The following SSR1 variants were observed in gnomAD, a reference collection of about 807,000 sequenced individuals.
The protein encoded by SSR1 is translocon-associated protein subunit alpha.
A neutral mutation model predicts 36.1 loss-of-function variants in SSR1; 13 were observed. The ratio of observed to expected loss-of-function variants is 0.36; its 90% CI spans 0.23 to 0.57. SSR1 has a LOEUF of 0.57. Ranked by LOEUF, SSR1 falls within the 20% of genes least tolerant of loss-of-function variation. The probability of loss-of-function intolerance (pLI) is 0.81; values close to 1 mark genes in which losing one functional copy is unlikely to be tolerated. For synonymous variants in SSR1, 113 were observed against 118.9 expected (o/e 0.95, Z 0.32); for missense variants, 291 against 338.5 (o/e 0.86, Z 1.10).
intron 6 of SSR1, among the ~76,000 whole-genome samples, chr6:7,295,974 A>G (rs920292186): frequency 4.1e-4 from 62 of 152,344 alleles, no homozygotes; most frequent in African/African-American, 1.5e-3. Context: ...TCAAAGAATA[A>G]ATTTATTTCT....
chr6:7,308,304 T>C (rs564067342), intron 2 of SSR1, among the ~76,000 whole-genome samples: 1 of 151,992 alleles, frequency 6.6e-6, no homozygotes, highest in Non-Finnish European at 1.5e-5. Flanking sequence ...ACCAATAAAA[T>C]AGCAACAGAT....
At chr6:7,308,044 T>C (rs985921520) in intron 2 of SSR1, among the ~76,000 whole-genome samples, 3 of 152,210 alleles carry the variant, frequency 2.0e-5, no homozygotes, top group Non-Finnish European at 4.4e-5. Flanking sequence ...AAATATTTAT[T>C]AACAACAATG....
intron 6 of SSR1, 118 bp from the exon 7 acceptor site, chr6:7,295,603 A>G: frequency 1.5e-6 from 1 of 648,646 alleles, no homozygotes; most frequent in Non-Finnish European, 2.5e-6. Flanking sequence ...TCCTGGGCTC[A>G]AGCAATCCTC....
intron 1 of SSR1, among the ~76,000 whole-genome samples, chr6:7,310,634 G>A (rs78567152): frequency 0.013 from 1,910 of 152,276 alleles, 36 homozygotes; most frequent in African/African-American, 0.038. Context: ...ATTCTTGGCC[G>A]GCGCGGTGGC....
rs146075295 is a variant in SSR1 at position 7,309,928 on chromosome 6, G to T, written c.181C>A (p.Pro61Thr). 5 of 1,612,062 alleles carry T rather than the reference G, an allele frequency of 3.1e-6. No individual in the cohort carries two copies. Among genetic ancestry groups the T allele is most frequent in the Non-Finnish European group, 3.4e-6 (4 of 1,178,462 alleles). Residue 61 changes from proline (P) to threonine (T), a missense_variant, in exon 2 of 8, where the codon CCC becomes ACC. Transcript: ENST00000244763. ...DDEAEVEEDEPTDLVEDKEEE... is the reference protein window; with the variant it reads ...DDEAEVEEDETTDLVEDKEEE... ...TATGTAACACTAACCAAATCTGTGG[G>T]TTCATCTTCTTCTACCTCGGCTTCA... is the stretch of plus-strand genomic sequence containing the variant.
rs1178402388 is a variant in SSR1, at chr6:7,287,116, G to C, written c.*2748C>G. ...CAATTTTCCTTCATATCAAGGGTATGGATATCATTGTACAAGATGAATGCT... is the reference window on the plus strand; with the variant it reads ...CAATTTTCCTTCATATCAAGGGTATCGATATCATTGTACAAGATGAATGCT... On this transcript the variant is annotated 3_prime_UTR_variant, in exon 8 of 8. Transcript: ENST00000244763. 4 of 152,074 alleles carry C rather than the reference G, an allele frequency of 2.6e-5. No homozygotes were observed. Among genetic ancestry groups the C allele is most frequent in the Non-Finnish European group, 5.9e-5 (4 of 68,024 alleles). The allele number at this position is 152,074 out of a possible 1,614,324, so 9.4% of individuals were successfully genotyped here. A position where few individuals can be genotyped will look rare whatever the true frequency, so the allele number is the denominator to read the frequency against.
Position 7,313,147 on chromosome 6 carries a change from C to G in SSR1, c.-27G>C, listed in dbSNP as rs1758249683. ...GCGCTGCCGGTCCAGTGTCCAGTTT[C>G]CGTCGGCTAAGGCTCTCGGCGGCTC... On this transcript the variant is annotated 5_prime_UTR_variant, in exon 1 of 8. Coordinates refer to ENST00000244763, the MANE Select transcript of SSR1 (RefSeq NM_003144.5). The G allele has an allele frequency of 1.9e-6, 3 of 1,588,622 alleles. No homozygotes were observed. The highest frequency in any genetic ancestry group is 2.3e-5 in the South Asian group (2 of 88,046).
rs1208770863 is a variant in SSR1 at position 7,284,046 on chromosome 6, TCTC to T, written c.*5815_*5817del. On this transcript the variant is annotated 3_prime_UTR_variant, in exon 8 of 8. Coordinates refer to ENST00000244763, the MANE Select transcript of SSR1 (RefSeq NM_003144.5). ...TACTCTTGACCACAGTATTTCTCAT[TCTC>T]CTTTCTGAAATGCCTCTAGGCCTTA... The T allele has an allele frequency of 4.6e-5, 7 of 152,186 alleles. No homozygotes were observed. The highest frequency in any genetic ancestry group is 1.4e-4 in the African/African-American group (6 of 41,424). The allele number at this position is 152,186 out of a possible 1,614,324, so 9.4% of individuals were successfully genotyped here. A position where few individuals can be genotyped will look rare whatever the true frequency, so the allele number is the denominator to read the frequency against.
chr6:7,294,733 C>G (rs933189341), intron 7 of SSR1, among the ~76,000 whole-genome samples: 1 of 149,774 alleles, frequency 6.7e-6, no homozygotes, highest in African/African-American at 2.5e-5. Context: ...TTAATGAAGT[C>G]AGGAATTGAC....
rs537748481 is a variant in SSR1 at position 7,289,898 on chromosome 6, C to G, written c.827G>C (p.Arg276Pro). Residue 276 changes from arginine to proline, a missense_variant, in exon 8 of 8, where the codon CGG becomes CCG. Coordinates refer to ENST00000244763, the MANE Select transcript of SSR1 (RefSeq NM_003144.5). ...AGATCCCACTGATCTCTTCTGTGCC[C>G]GTTTCCTGGGCAACCTTCTTGGTGA... is the stretch of plus-strand genomic sequence containing the variant. ...KASPRRLPRK[R>P]AQKRSVGSDE 2 of 1,539,404 alleles carry G rather than the reference C, an allele frequency of 1.3e-6. No homozygotes were observed. Among genetic ancestry groups the G allele is most frequent in the African/African-American group, 2.9e-5 (2 of 69,702 alleles).
Position 7,313,035 on chromosome 6 carries a change from G to C in SSR1, c.79+7C>G. On this transcript the variant is annotated splice_region_variant and intron_variant, in intron 1 of 7. Coordinates refer to ENST00000244763, the MANE Select transcript of SSR1 (RefSeq NM_003144.5). ...GCCATCCCCTCCGCACACTCCCCCA[G>C]CCTCACCTCTGGGGCCGCCTCGGAA... 6.3e-7 allele frequency: 1 copy of C among 1,598,760 alleles called. No individual in the cohort carries two copies. The highest frequency in any genetic ancestry group is 1.1e-5 in the South Asian group (1 of 88,540).
chr6:7,294,457 G>A (rs1561830336), intron 7 of SSR1, among the ~76,000 whole-genome samples: 1 of 152,216 alleles, frequency 6.6e-6, no homozygotes, highest in Non-Finnish European at 1.5e-5. Flanking sequence ...GGAGGCCGAG[G>A]CTAGCGGATC....
intron 2 of SSR1, among the ~76,000 whole-genome samples, chr6:7,307,703 T>G (rs1002036395): frequency 6.6e-6 from 1 of 152,184 alleles, no homozygotes; most frequent in Non-Finnish European, 1.5e-5. Flanking sequence ...CAGCTAATTT[T>G]TTTAGTAGAG....
At chr6:7,310,069 T>G in intron 1 of SSR1, 40 bp from the exon 2 acceptor site, 1 of 1,526,048 alleles carries the variant, frequency 6.6e-7, no homozygotes, top group Non-Finnish European at 9.0e-7. Flanking sequence ...CCCTTTACTC[T>G]GAAATACTAA....
At chr6:7,306,760 CA>C (rs1293415413) in intron 2 of SSR1, among the ~76,000 whole-genome samples, 1 of 151,620 alleles carries the variant, frequency 6.6e-6, no homozygotes, top group Admixed American at 6.6e-5. Context: ...ACTAAAAATA[CA>C]AAAAATTAGC....
In SSR1 at chr6:7,289,613, C is replaced by G; in HGVS notation, c.*251G>C. 2.1e-6 allele frequency: 1 copy of G among 469,242 alleles called. No individual in the cohort carries two copies. The highest frequency in any genetic ancestry group is 3.7e-6 in the Non-Finnish European group (1 of 268,972). The allele number at this position is 469,242 out of a possible 1,614,324, so 29.1% of individuals were successfully genotyped here. On this transcript the variant is annotated 3_prime_UTR_variant, in exon 8 of 8. Transcript: ENST00000244763. ...AGTTCAACAATGATTCTGGTAAGAC[C>G]AACTGCTCACATACATACACACGCA... is the stretch of plus-strand genomic sequence containing the variant.
At position 7,294,673 on chromosome 6, in the gene SSR1, A is replaced by T. The variant is rs1036116329; in HGVS notation, c.793+719T>A. On this transcript the variant is annotated intron_variant, in intron 7 of 7. Coordinates refer to ENST00000244763, the MANE Select transcript of SSR1 (RefSeq NM_003144.5). Reference sequence around the variant, plus strand: ...GCCACTGCACTCCAGCCTGGGCGACAGAGCAAGATTCCATCTCAAATAAAT... The same window carrying T: ...GCCACTGCACTCCAGCCTGGGCGACTGAGCAAGATTCCATCTCAAATAAAT... 4.6e-5 allele frequency among the ~76,000 whole-genome samples: 7 copies of T among 150,682 alleles called. 1 individual carries two copies. The highest frequency in any genetic ancestry group is 1.7e-4 in the African/African-American group (7 of 40,580).
intron 7 of SSR1, 36 bp from the exon 8 acceptor site, chr6:7,289,967 A>G (rs78141528): frequency 0.015 from 22,874 of 1,506,310 alleles, 760 homozygotes; most frequent in African/African-American, 0.13. Context: ...CTTGCCTATT[A>G]TAAGTATATT....
chr6:7,310,649 G>A (rs1261316568), intron 1 of SSR1, among the ~76,000 whole-genome samples: 3 of 152,110 alleles, frequency 2.0e-5, no homozygotes, highest in Admixed American at 6.5e-5. Context: ...GGTGGCTCAC[G>A]CCTGTAATCC....
Sources: allele counts gnomAD v4.1 joint callset (sites outside exome capture counted in the v4.1 genomes callset), GRCh38; gene constraint gnomAD v4.1.1; transcripts MANE v1.5; gene names NCBI Gene and HGNC (gene_info 2026-07-23, HGNC 2026-07-21).